The following ESR1 variants were observed in gnomAD, a reference collection of about 807,000 sequenced individuals.
ESR1 encodes estrogen receptor 1.
Under a neutral mutation model 52.7 loss-of-function variants are expected in ESR1, and 12 were observed. The ratio of observed to expected loss-of-function variants is 0.23; its 90% CI spans 0.15 to 0.37. The LOEUF is 0.37. Among genes scored for constraint, ESR1 ranks in the 10% least tolerant of loss-of-function variants. ESR1 has a pLI of 1.00. For missense variants in ESR1, 584 were observed against 779.7 expected (o/e 0.75, Z 2.99); for synonymous variants, 305 against 316.8 (o/e 0.96, Z 0.39).
intron 6 of ESR1, chr6:152,122,526 T>C: frequency 6.2e-7 from 1 of 1,614,166 alleles, no homozygotes; most frequent in Non-Finnish European, 8.5e-7. Flanking sequence ...AGTCTTCCTC[T>C]GACATTGGTA....
chr6:151,758,999 G>A (rs926061512), intron 2 of ESR1, among the ~76,000 whole-genome samples: 1 of 150,856 alleles, frequency 6.6e-6, no homozygotes, highest in Non-Finnish European at 1.5e-5. Context: ...ACATAAGGCC[G>A]GACGCAGTGG....
intron 2 of ESR1, among the ~76,000 whole-genome samples, chr6:151,750,412 C>T (rs914745568): frequency 2.0e-5 from 3 of 152,064 alleles, no homozygotes; most frequent in Non-Finnish European, 2.9e-5. Context: ...AGTGGGACGG[C>T]GGGCAAGGGG....
chr6:151,887,529 A>G (rs1308284873), intron 3 of ESR1, among the ~76,000 whole-genome samples: 2 of 152,098 alleles, frequency 1.3e-5, no homozygotes, highest in East Asian at 3.9e-4. Context: ...GAAACAGATA[A>G]AAGTTGATTT....
chr6:151,925,333 G>T (rs181816766), intron 3 of ESR1, among the ~76,000 whole-genome samples: 1 of 152,130 alleles, frequency 6.6e-6, no homozygotes, highest in Non-Finnish European at 1.5e-5. Context: ...TGGGCTGGGC[G>T]CAGTGGCTCA....
chr6:151,848,370 C>A, intron 2 of ESR1, among the ~76,000 whole-genome samples: 1 of 120,430 alleles, frequency 8.3e-6, no homozygotes, highest in East Asian at 2.3e-4. Context: ...GGAGATATAC[C>A]TAATGCTAGA....
intron 4 of ESR1, among the ~76,000 whole-genome samples, chr6:151,995,074 C>T (rs1180764678): frequency 1.3e-5 from 2 of 152,002 alleles, no homozygotes; most frequent in African/African-American, 2.4e-5. Flanking sequence ...AGGGTGAGAC[C>T]ATGTGGAGCA....
At chr6:152,078,018 CA>C (rs1311540002) in intron 6 of ESR1, among the ~76,000 whole-genome samples, 3 of 152,008 alleles carry the variant, frequency 2.0e-5, no homozygotes, top group Non-Finnish European at 4.4e-5. Context: ...TTGGAGAGGC[CA>C]GGGGTGGAAT....
At chr6:152,117,413 T>C (rs2051222812) in intron 6 of ESR1, among the ~76,000 whole-genome samples, 1 of 152,206 alleles carries the variant, frequency 6.6e-6, no homozygotes, top group Non-Finnish European at 1.5e-5. Flanking sequence ...TTCTTCTCGA[T>C]TGCCTGTAGC....
At chr6:152,082,117 C>G (rs540485826) in intron 6 of ESR1, among the ~76,000 whole-genome samples, 1 of 152,302 alleles carries the variant, frequency 6.6e-6, no homozygotes, top group Admixed American at 6.5e-5. Flanking sequence ...TTTTATGAGG[C>G]CAGCATCATC....
intron 2 of ESR1, among the ~76,000 whole-genome samples, chr6:151,722,252 GA>G (rs1264204975): frequency 1.3e-5 from 2 of 152,228 alleles, no homozygotes; most frequent in African/African-American, 4.8e-5. Context: ...ACCGATGGTG[GA>G]ACATACCTGC....
chr6:151,871,221 C>T lies in ESR1; in HGVS notation c.644-9434C>T, dbSNP rs559150616. On this transcript the variant is annotated intron_variant, in intron 2 of 7. Coordinates refer to ENST00000206249, the MANE Select transcript of ESR1 (RefSeq NM_000125.4). The stretch of plus-strand genomic sequence containing the variant: ...GCAGAAACCACTTGTACCCCAAAAG[C>T]TATTGAAATTTAAAAATATATATAT... 3.3e-3 allele frequency among the ~76,000 whole-genome samples: 494 copies of T among 151,224 alleles called. 7 individuals carry two copies. Among genetic ancestry groups the T allele is most frequent in the Non-Finnish European group, 2.4e-3 (160 of 67,770 alleles).
At chr6:151,891,554 A>T (rs1372701178) in intron 3 of ESR1, among the ~76,000 whole-genome samples, 2 of 152,164 alleles carry the variant, frequency 1.3e-5, no homozygotes, top group East Asian at 1.9e-4. Context: ...GAACTTAAAG[A>T]TCATCTAGTG....
chr6:151,986,805 A>G (rs2040524365), intron 4 of ESR1, among the ~76,000 whole-genome samples: 1 of 152,136 alleles, frequency 6.6e-6, no homozygotes, highest in South Asian at 2.1e-4. Context: ...TCTTGGTATG[A>G]AAGTTAAAGA....
intron 5 of ESR1, among the ~76,000 whole-genome samples, chr6:152,060,178 A>G (rs966233141): frequency 4.6e-5 from 7 of 152,328 alleles, no homozygotes; most frequent in African/African-American, 1.7e-4. Context: ...CATGTTATGC[A>G]CCTTTGGTTT....
intron 2 of ESR1, among the ~76,000 whole-genome samples, chr6:151,767,284 C>T (rs918553308): frequency 6.6e-6 from 1 of 152,158 alleles, no homozygotes; most frequent in African/African-American, 2.4e-5. Flanking sequence ...GAACAAATAA[C>T]AGCATATATC....
intron 3 of ESR1, among the ~76,000 whole-genome samples, chr6:151,898,400 C>CT (rs1795891325): frequency 2.9e-5 from 3 of 105,070 alleles, no homozygotes; most frequent in African/African-American, 7.1e-5. Context: ...TTTTTTTTTT[C>CT]TTTTCTTTTT....
intron 1 of ESR1, among the ~76,000 whole-genome samples, chr6:151,672,674 T>C (rs1343995273): frequency 6.6e-6 from 1 of 151,976 alleles, no homozygotes; most frequent in Non-Finnish European, 1.5e-5. Context: ...GGTTTCACCA[T>C]GTTGGCCATC....
intron 2 of ESR1, among the ~76,000 whole-genome samples, chr6:151,755,584 G>A (rs1049748445): frequency 5.3e-5 from 8 of 151,842 alleles, no homozygotes; most frequent in African/African-American, 1.9e-4. Context: ...AGTCAGCTCT[G>A]TCCTTTAAAA....
intron 6 of ESR1, among the ~76,000 whole-genome samples, chr6:152,081,231 C>T (rs1466907960): frequency 1.3e-5 from 2 of 152,088 alleles, no homozygotes; most frequent in African/African-American, 4.8e-5. Flanking sequence ...GGAAGTAAAA[C>T]ACTCCTCAGC....
Sources: allele counts gnomAD v4.1 joint callset (sites outside exome capture counted in the v4.1 genomes callset), GRCh38; gene constraint gnomAD v4.1.1; transcripts MANE v1.5; gene names NCBI Gene and HGNC (gene_info 2026-07-23, HGNC 2026-07-21).